AXIN1: variants seen among roughly 807,000 people sequenced by gnomAD.
AXIN1 encodes the protein axin 1.
In AXIN1, 30 loss-of-function variants were observed where a neutral mutation model predicts 76.4. The ratio of observed to expected loss-of-function variants is 0.39; its 90% CI spans 0.29 to 0.53. The LOEUF (loss-of-function observed/expected upper bound fraction) is 0.53. Among genes scored for constraint, AXIN1 ranks in the 20% least tolerant of loss-of-function variants. The pLI is 0.66. For synonymous variants in AXIN1, 545 were observed against 501.4 expected (o/e 1.09, Z -1.16); for missense variants, 1,140 against 1,198.8 (o/e 0.95, Z 0.72).
intron 5 of AXIN1, among the ~76,000 whole-genome samples, chr16:299,725 G>A (rs1216385358): frequency 6.6e-5 from 10 of 151,762 alleles, no homozygotes; most frequent in South Asian, 2.1e-4. Context: ...GCACGATCTC[G>A]GCTCACTGCA....
intron 9 of AXIN1, 194 bp from the exon 10 acceptor site, chr16:289,801 G>A (rs2141470484): frequency 1.4e-6 from 1 of 700,452 alleles, no homozygotes; most frequent in Non-Finnish European, 2.4e-6. Context: ...AGTGGAGTCG[G>A]CTCCGCTCAC....
chr16:331,744 C>T (rs908980339), intron 2 of AXIN1, among the ~76,000 whole-genome samples: 1 of 152,230 alleles, frequency 6.6e-6, no homozygotes, highest in African/African-American at 2.4e-5. Context: ...CTCCACACTG[C>T]ACCACGAAGC....
intron 10 of AXIN1, among the ~76,000 whole-genome samples, chr16:288,505 C>T (rs559589995): frequency 6.6e-6 from 1 of 152,364 alleles, no homozygotes; most frequent in South Asian, 2.1e-4. Flanking sequence ...GTACCTGCCC[C>T]AGCCTCTCAG....
In AXIN1 at chr16:350,068, G is replaced by A. The variant is rs186923207; in HGVS notation, c.-82+2301C>T. Among the ~76,000 whole-genome samples the A allele has an allele frequency of 7.9e-5, 12 of 152,302 alleles. No homozygotes were observed. The East Asian group carries it at 2.1e-3, about 27-fold the overall frequency. ...GCCTCCCAAAGTGTTGGGATTACAGGCCACTTTGCCTGGCCCCAAAACTAA... is the reference window on the plus strand; with the variant it reads ...GCCTCCCAAAGTGTTGGGATTACAGACCACTTTGCCTGGCCCCAAAACTAA... On this transcript the variant is annotated intron_variant, in intron 1 of 10. Transcript: ENST00000262320.
Position 352,592 on chromosome 16 carries a change from C to G in AXIN1, c.-305G>C, listed in dbSNP as rs2054169934. 3 of 181,950 alleles carry G rather than the reference C, an allele frequency of 1.6e-5. No homozygotes were observed. The highest frequency in any genetic ancestry group is 2.4e-5 in the African/African-American group (1 of 41,566). The allele number at this position is 181,950 out of a possible 1,614,324, so 11.3% of individuals were successfully genotyped here. On this transcript the variant is annotated 5_prime_UTR_variant, in exon 1 of 11. Transcript: ENST00000262320. The stretch of plus-strand genomic sequence containing the variant: ...CGCCAGCTCCCACCCGCCCGCTCCG[C>G]GTGGACGCGGCTCCGGGCCGACTCC...
chr16:352,057 C>A (rs2141725684), intron 1 of AXIN1, among the ~76,000 whole-genome samples: 1 of 152,142 alleles, frequency 6.6e-6, no homozygotes, highest in South Asian at 2.1e-4. Context: ...GGAGTGTCCT[C>A]CTCCGGGACA....
In AXIN1 at chr16:293,666, G is replaced by A. The variant is rs1281159388; in HGVS notation, c.2008C>T (p.Leu670Phe). The A allele has an allele frequency of 6.2e-7, 1 of 1,613,754 alleles. No homozygotes were observed. The highest frequency in any genetic ancestry group is 8.5e-7 in the Non-Finnish European group (1 of 1,180,022). The change falls in exon 8 of 11, where the codon CTT becomes TTT. Residue 670 changes from leucine to phenylalanine, a missense_variant. Leu to Phe is a conservative substitution (Grantham distance 22). Around this residue, in one of 3 missense-constraint regions of AXIN1, gnomAD observed 429 missense variants for 405.8 expected, o/e 1.06. Coordinates refer to ENST00000262320, the MANE Select transcript of AXIN1 (RefSeq NM_003502.4). The surrounding 1 kb of genome is among the most constrained non-coding windows in gnomAD (Gnocchi z 4.6). ...QPHENSRPLS[L>F]EHPWAGPQLR... is the part of the protein sequence containing the mutation. ...TGAGGGCCGGCCCAGGGGTGCTCAA[G>A]GGACAAGGGTCTGGAGTTCTCATGG...
intron 2 of AXIN1, among the ~76,000 whole-genome samples, chr16:330,722 T>C (rs1269224571): frequency 6.6e-6 from 1 of 152,156 alleles, no homozygotes; most frequent in Non-Finnish European, 1.5e-5. Flanking sequence ...ATTTAAAAAG[T>C]AGAACAAAAA....
intron 2 of AXIN1, among the ~76,000 whole-genome samples, chr16:323,885 G>A (rs1282202610): frequency 2.0e-5 from 3 of 152,178 alleles, no homozygotes; most frequent in Middle Eastern, 3.2e-3. Context: ...CTTCACCACT[G>A]TGGGTGCAAA....
At chr16:324,443 G>A (rs954691247) in intron 2 of AXIN1, among the ~76,000 whole-genome samples, 3 of 152,118 alleles carry the variant, frequency 2.0e-5, no homozygotes, top group South Asian at 2.1e-4. Context: ...GCGGTCCTCC[G>A]GGGAGGTTTG....
At chr16:306,337 G>T (rs1393960275) in intron 4 of AXIN1, among the ~76,000 whole-genome samples, 1 of 152,190 alleles carries the variant, frequency 6.6e-6, no homozygotes, top group African/African-American at 2.4e-5. Context: ...AATTTTGCCA[G>T]CTGCTCCAAT....
At chr16:332,676 A>G (rs2053719272) in intron 2 of AXIN1, among the ~76,000 whole-genome samples, 1 of 151,656 alleles carries the variant, frequency 6.6e-6, no homozygotes, top group South Asian at 2.1e-4. Context: ...AAAAAAAAAA[A>G]AAAAGTATAA....
intron 2 of AXIN1, among the ~76,000 whole-genome samples, chr16:318,814 C>T (rs1379708618): frequency 2.0e-5 from 3 of 152,232 alleles, no homozygotes; most frequent in Non-Finnish European, 4.4e-5. Context: ...AGTGGAGATG[C>T]TGACCCCTGG....
At chr16:300,869 C>T (rs759347755) in intron 5 of AXIN1, among the ~76,000 whole-genome samples, 15 of 152,294 alleles carry the variant, frequency 9.8e-5, no homozygotes, top group African/African-American at 2.9e-4. Context: ...AGCTCCACAT[C>T]GGCAGGAATT....
In AXIN1 at chr16:289,752, C is replaced by T. The variant is rs1011172492; in HGVS notation, c.2295-145G>A. 3 of 968,452 alleles carry T rather than the reference C, an allele frequency of 3.1e-6. No homozygotes were observed. In the African/African-American group the frequency reaches 4.8e-5, roughly 16 times the overall value. 60.0% of individuals were successfully genotyped at this position (968,452 alleles called of 1,614,324 possible). ...CATTCAAACACCTGGGGCCCGCAGCCCCCGCACAGCATCTCAATCTGGGAT... is the reference window on the plus strand; with the variant it reads ...CATTCAAACACCTGGGGCCCGCAGCTCCCGCACAGCATCTCAATCTGGGAT... On this transcript the variant is annotated intron_variant, in intron 9 of 10. Transcript: ENST00000262320.
chr16:304,899 G>A (rs12448352), intron 4 of AXIN1, among the ~76,000 whole-genome samples: 13,012 of 152,186 alleles, frequency 0.086, 608 homozygotes, highest in Non-Finnish European at 0.1. Context: ...ACTTCCTCAC[G>A]GTCCCCCTTT....
intron 7 of AXIN1, 95 bp downstream of exon 7, chr16:296,961 C>T (rs755763966): frequency 8.5e-5 from 123 of 1,454,626 alleles, no homozygotes; most frequent in Non-Finnish European, 1.1e-4. Context: ...AGGCGACACT[C>T]GCCACACACA....
At chr16:330,277 T>G (rs1245363685) in intron 2 of AXIN1, among the ~76,000 whole-genome samples, 1 of 151,806 alleles carries the variant, frequency 6.6e-6, no homozygotes, top group Non-Finnish European at 1.5e-5. Flanking sequence ...TTGCCCAGGT[T>G]GGTCTCAAAA....
At chr16:300,088 C>T (rs955051607) in intron 5 of AXIN1, among the ~76,000 whole-genome samples, 2 of 152,050 alleles carry the variant, frequency 1.3e-5, no homozygotes, top group Non-Finnish European at 2.9e-5. Context: ...TACAGGCACC[C>T]ACCACCATGC....
Sources: gnomAD v4.1 joint callset for allele counts (sites outside exome capture counted in the v4.1 genomes callset) on GRCh38, gnomAD v4.1.1 for gene constraint, gnomAD v4.1.1 regional missense constraint, Gnocchi (gnomAD v3.1) non-coding constraint, MANE v1.5 for transcripts, NCBI Gene and HGNC (gene_info 2026-07-23, HGNC 2026-07-21) for gene names.